The following CNOT1 variants were observed in gnomAD, a reference collection of about 807,000 sequenced individuals.
CNOT1 encodes CCR4-associated factor 1.
Under a neutral mutation model 273.8 loss-of-function variants are expected in CNOT1, and 15 were observed. The ratio of observed to expected loss-of-function variants is 0.05; its 90% confidence interval spans 0.04 to 0.08. The LOEUF is 0.08. CNOT1 is among the 10% of genes least tolerant of loss of function. The pLI, the probability that CNOT1 is intolerant of heterozygous loss-of-function variation, is 1.00. For missense variants in CNOT1, 1,644 were observed against 2,912.2 expected (o/e 0.56, Z 10.02); for synonymous variants, 1,022 against 1,005.5 (o/e 1.02, Z -0.31).
chr16:58,587,561 G>A lies in CNOT1; in HGVS notation c.310-148C>T. ...AAACATTACACTATGTCCTAAAACT[G>A]TGAAATGACAAACTTAAGCCTTCAC... On this transcript the variant is annotated intron_variant, in intron 4 of 48. Coordinates refer to ENST00000317147, the MANE Select transcript of CNOT1 (RefSeq NM_016284.5). 2.4e-6 allele frequency: 3 copies of A among 1,247,530 alleles called. No homozygotes were observed. The South Asian group carries it at 4.7e-5, about 20-fold the overall frequency. The allele number at this position is 1,247,530 out of a possible 1,614,324, so 77.3% of individuals were successfully genotyped here. A position where few individuals can be genotyped will look rare whatever the true frequency, so the allele number is the denominator to read the frequency against.
At chr16:58,553,993 C>A (rs1310421812) in intron 21 of CNOT1, 133 bp from the exon 22 acceptor site, 6 of 1,265,730 alleles carry the variant, frequency 4.7e-6, no homozygotes, top group Non-Finnish European at 6.0e-6. Context: ...AAGAAAATGT[C>A]AAAGTGAAGA....
At chr16:58,586,838 C>G in intron 6 of CNOT1, 90 bp from the exon 7 acceptor site, 1 of 1,381,696 alleles carries the variant, frequency 7.2e-7, no homozygotes, top group Non-Finnish European at 1.0e-6. Flanking sequence ...GATAATCACC[C>G]TTCTCATTCA....
intron 1 of CNOT1, among the ~76,000 whole-genome samples, chr16:58,621,086 G>A (rs528335330): frequency 6.6e-6 from 1 of 151,466 alleles, no homozygotes; most frequent in African/African-American, 2.4e-5. Context: ...ACAGCCCACT[G>A]CAGCCTCGAC....
Position 58,520,765 on chromosome 16 carries a change from CA to C in CNOT1, c.*192del. On this transcript the variant is annotated 3_prime_UTR_variant, in exon 49 of 49. Coordinates refer to ENST00000317147, the MANE Select transcript of CNOT1 (RefSeq NM_016284.5). ...CATCTTCTAAATTTTGGCCAAGAGT[CA>C]AAAAAATGCATTTAAACTTTGGAAC... The C allele has an allele frequency of 1.2e-5, 7 of 595,970 alleles. No homozygotes were observed. Among genetic ancestry groups the C allele is most frequent in the Middle Eastern group, 4.5e-4 (1 of 2,218 alleles). 36.9% of individuals were successfully genotyped at this position (595,970 alleles called of 1,614,324 possible). A position where few individuals can be genotyped will look rare whatever the true frequency, so the allele number is the denominator to read the frequency against.
intron 8 of CNOT1, among the ~76,000 whole-genome samples, chr16:58,585,089 T>C (rs1213111178): frequency 6.6e-6 from 1 of 152,194 alleles, no homozygotes; most frequent in Non-Finnish European, 1.5e-5. Context: ...ATATGCCTAT[T>C]GTGGCAACTA....
In CNOT1 at chr16:58,574,635, C is replaced by T. The variant is rs201901545; in HGVS notation, c.1953G>A (p.Met651Ile). The T allele has an allele frequency of 3.9e-5, 62 of 1,599,794 alleles. No homozygotes were observed. The highest frequency in any genetic ancestry group is 4.4e-5 in the Non-Finnish European group (52 of 1,177,104). Residue 651 changes from methionine (M) to isoleucine (I), a missense_variant, in exon 16 of 49, where the codon ATG (methionine) becomes ATA (isoleucine). This residue lies in a region of CNOT1 where 706 missense variants were observed against 1,021.2 expected (regional missense o/e 0.69). Transcript: ENST00000317147. ...CTGCACAAGCTTGCAGACAGGCCAA[C>T]ATTGTCGCCAAAGTTTCTGGAGGAA... The part of the protein sequence containing the change: ...AQLPPETLAT[M>I]LACLQACAGS...
Position 58,543,916 on chromosome 16 carries a change from G to GTT in CNOT1, c.4138-14_4138-13insAA. 6.3e-7 allele frequency: 1 copy of GTT among 1,586,412 alleles called. No homozygotes were observed. The highest frequency in any genetic ancestry group is 8.6e-7 in the Non-Finnish European group (1 of 1,164,038). The stretch of plus-strand genomic sequence containing the variant: ...GAAACAAGGGAATCTGGGGGGTTGG[G>GTT]GAGGACAAAGTCAACACCTTGTTTA... On this transcript the variant is annotated splice_polypyrimidine_tract_variant and intron_variant, in intron 30 of 48. Coordinates refer to ENST00000317147, the MANE Select transcript of CNOT1 (RefSeq NM_016284.5).
intron 16 of CNOT1, among the ~76,000 whole-genome samples, chr16:58,570,075 G>A (rs2041214727): frequency 6.6e-6 from 1 of 152,166 alleles, no homozygotes; most frequent in East Asian, 1.9e-4. Flanking sequence ...AGAAAGCAGT[G>A]GGGGAGCATA....
intron 16 of CNOT1, among the ~76,000 whole-genome samples, chr16:58,562,801 TG>T (rs1236985182): frequency 1.3e-5 from 2 of 151,950 alleles, no homozygotes; most frequent in African/African-American, 4.8e-5. Context: ...CCAGCCTGGG[TG>T]ACAGTGCGAG....
chr16:58,541,099 G>A (rs1056891449), intron 34 of CNOT1, among the ~76,000 whole-genome samples: 7 of 152,168 alleles, frequency 4.6e-5, no homozygotes, highest in African/African-American at 1.7e-4. Context: ...TAGCTCCTCA[G>A]GAGGCTGAGG....
At chr16:58,533,403 G>A (rs1346685181) in intron 40 of CNOT1, among the ~76,000 whole-genome samples, 2 of 152,208 alleles carry the variant, frequency 1.3e-5, no homozygotes, top group Non-Finnish European at 2.9e-5. Flanking sequence ...TTGGGAGGCT[G>A]AGGCAGGCGG....
chr16:58,567,258 G>C (rs1010567652), intron 16 of CNOT1, among the ~76,000 whole-genome samples: 9 of 152,018 alleles, frequency 5.9e-5, no homozygotes, highest in African/African-American at 1.9e-4. Flanking sequence ...TTGAGCCCAC[G>C]AGTGAGCCAT....
intron 39 of CNOT1, among the ~76,000 whole-genome samples, chr16:58,535,706 A>T (rs1017455125): frequency 6.6e-6 from 1 of 151,928 alleles, no homozygotes; most frequent in Non-Finnish European, 1.5e-5. Flanking sequence ...AGTAACATTC[A>T]TTTTGAAAAG....
intron 1 of CNOT1, among the ~76,000 whole-genome samples, chr16:58,613,501 C>G (rs1256734451): frequency 8.0e-6 from 1 of 124,746 alleles, no homozygotes; most frequent in African/African-American, 2.7e-5. Context: ...TTAGGAGTCA[C>G]CTTTTAATTC....
intron 2 of CNOT1, among the ~76,000 whole-genome samples, chr16:58,594,989 C>T (rs576761772): frequency 7.9e-5 from 12 of 151,572 alleles, no homozygotes; most frequent in African/African-American, 2.9e-4. Context: ...GTGGCAGGCA[C>T]CTGCAATCTC....
At chr16:58,602,825 CCT>C (rs2042523654) in intron 1 of CNOT1, among the ~76,000 whole-genome samples, 1 of 150,528 alleles carries the variant, frequency 6.6e-6, no homozygotes, top group African/African-American at 2.4e-5. Flanking sequence ...TCAGCCCAAA[CCT>C]CTCTCATAGT....
chr16:58,620,539 G>A (rs770260430), intron 1 of CNOT1, among the ~76,000 whole-genome samples: 13 of 151,756 alleles, frequency 8.6e-5, no homozygotes, highest in African/African-American at 9.7e-5. Context: ...GCTACTCGGC[G>A]GGGATAAGGC....
chr16:58,565,515 C>T (rs1324964649), intron 16 of CNOT1, among the ~76,000 whole-genome samples: 1 of 152,182 alleles, frequency 6.6e-6, no homozygotes, highest in Non-Finnish European at 1.5e-5. Flanking sequence ...GCCATGTTCA[C>T]ATTATACCAA....
chr16:58,584,295 T>A (rs561863141), intron 8 of CNOT1, among the ~76,000 whole-genome samples: 1 of 152,178 alleles, frequency 6.6e-6, no homozygotes, highest in Admixed American at 6.5e-5. Flanking sequence ...TATTCTGATA[T>A]GTACACAGCC....
Sources: allele counts gnomAD v4.1 joint callset (sites outside exome capture counted in the v4.1 genomes callset), GRCh38; gene constraint gnomAD v4.1.1; regional missense constraint gnomAD v4.1.1; transcripts MANE v1.5; gene names NCBI Gene and HGNC (gene_info 2026-07-23, HGNC 2026-07-21).